TMEM114: variants seen among roughly 807,000 people sequenced by gnomAD.
The protein encoded by TMEM114 is transmembrane protein 114.
TMEM114 carries 6 observed loss-of-function variants against 6.2 expected under a neutral mutation model. The ratio of observed to expected loss-of-function variants is 0.97; its 90% confidence interval spans 0.53 to 1.91. TMEM114 has a LOEUF of 1.91. TMEM114 is among the 40% of genes most tolerant of loss of function. TMEM114 has a pLI of 0.01. For missense variants in TMEM114, 218 were observed against 158.3 expected, an observed-to-expected ratio of 1.38 and a Z score of -2.02; for synonymous variants, 104 against 73.0, an observed-to-expected ratio of 1.42 and a Z score of -2.16.
In TMEM114 at chr16:8,589,305, G is replaced by T; in HGVS notation, c.221-12C>A. On this transcript the variant is annotated splice_polypyrimidine_tract_variant and intron_variant, in intron 1 of 3. Coordinates refer to ENST00000620492, the MANE Select transcript of TMEM114 (RefSeq NM_001146336.2). ...GCACGGGCTCTGCACTGGATAGGACGGAGGAATCCATGGGTGCAGGACCCC... is the reference window on the plus strand; with the variant it reads ...GCACGGGCTCTGCACTGGATAGGACTGAGGAATCCATGGGTGCAGGACCCC... The T allele has an allele frequency of 2.5e-6, 1 of 398,706 alleles. No individual in the cohort carries two copies. Among genetic ancestry groups the T allele is most frequent in the African/African-American group, 2.1e-5 (1 of 48,760 alleles). The allele number at this position is 398,706 out of a possible 1,614,324, so 24.7% of individuals were successfully genotyped here.
At chr16:8,539,785 TA>T (rs1168293205) in intron 2 of TMEM114, among the ~76,000 whole-genome samples, 1 of 152,208 alleles carries the variant, frequency 6.6e-6, no homozygotes, top group African/African-American at 2.4e-5. Flanking sequence ...GAAGTAACTT[TA>T]AAAAATTACA....
chr16:8,590,384 T>A lies in TMEM114; in HGVS notation c.-546A>T, dbSNP rs1006137719. ...CTCTGGATTTCCGCCCCAGCCCTTT[T>A]TCTTGGCCCCACACTGCCAGATCCC... On this transcript the variant is annotated 5_prime_UTR_variant, in exon 1 of 4. Coordinates refer to ENST00000620492, the MANE Select transcript of TMEM114 (RefSeq NM_001146336.2). Among the ~76,000 whole-genome samples, 27 of 152,280 alleles carry A rather than the reference T, an allele frequency of 1.8e-4. No homozygotes were observed. The South Asian group carries it at 5.6e-3, about 32-fold the overall frequency.
chr16:8,528,229 T>G, the TMEM114 span, among the ~76,000 whole-genome samples: 4 of 143,932 alleles, frequency 2.8e-5, 1 homozygote, highest in African/African-American at 1.0e-4. Flanking sequence ...TGATATGAAT[T>G]TGTTCACCCA....
chr16:8,588,032 T>C (rs1902369037), intron 2 of TMEM114, among the ~76,000 whole-genome samples: 1 of 152,032 alleles, frequency 6.6e-6, no homozygotes, highest in Admixed American at 6.6e-5. Context: ...ACACCTGTAA[T>C]CCCAGCACTT....
intron 2 of TMEM114, among the ~76,000 whole-genome samples, chr16:8,561,654 T>G (rs796369324): frequency 7.1e-6 from 1 of 141,384 alleles, no homozygotes; most frequent in East Asian, 2.0e-4. Context: ...AGTGAGTGAA[T>G]AAGTGAATGA....
At chr16:8,528,557 A>C in the TMEM114 span, among the ~76,000 whole-genome samples, 3 of 152,176 alleles carry the variant, frequency 2.0e-5, no homozygotes, top group South Asian at 6.2e-4. Context: ...AGAGGAGCGC[A>C]ACAGGCTTTT....
intron 1 of TMEM114, 102 bp downstream of exon 1, chr16:8,589,517 C>G (rs1256408889): frequency 2.5e-6 from 1 of 398,212 alleles, no homozygotes; most frequent in Non-Finnish European, 4.4e-6. Context: ...ATTTTAGGGA[C>G]TTGGGGGAGG....
chr16:8,548,307 T>C (rs74007843), intron 2 of TMEM114, among the ~76,000 whole-genome samples: 268 of 152,300 alleles, frequency 1.8e-3, no homozygotes, highest in Middle Eastern at 6.8e-3. Flanking sequence ...TCTGGCAGTG[T>C]GCCTGACCCA....
At chr16:8,566,098 C>T (rs1041020436), downstream of TMEM114, among the ~76,000 whole-genome samples, 1 of 152,070 alleles carries the variant, frequency 6.6e-6, no homozygotes, top group Non-Finnish European at 1.5e-5. Context: ...GGGCCAGGCA[C>T]GGTGGCTCAC....
chr16:8,555,427 G>T (rs933421299), intron 2 of TMEM114, among the ~76,000 whole-genome samples: 1 of 152,050 alleles, frequency 6.6e-6, no homozygotes, highest in Non-Finnish European at 1.5e-5. Context: ...TACTAATTAA[G>T]GAGCAGCCTT....
downstream of TMEM114, among the ~76,000 whole-genome samples, chr16:8,536,474 C>T (rs1471695069): frequency 6.6e-6 from 1 of 152,078 alleles, no homozygotes; most frequent in Non-Finnish European, 1.5e-5. Flanking sequence ...GGTATCTCAA[C>T]ATTAGGGAAT....
chr16:8,589,296 G>C lies in TMEM114; in HGVS notation c.221-3C>G. The stretch of plus-strand genomic sequence containing the variant: ...CAGCGGTGTGCACGGGCTCTGCACT[G>C]GATAGGACGGAGGAATCCATGGGTG... On this transcript the variant is annotated splice_region_variant and splice_polypyrimidine_tract_variant and intron_variant, in intron 1 of 3. Coordinates refer to ENST00000620492, the MANE Select transcript of TMEM114 (RefSeq NM_001146336.2). The C allele has an allele frequency of 5.0e-6, 2 of 398,758 alleles. No homozygotes were observed. Among genetic ancestry groups the C allele is most frequent in the East Asian group, 7.1e-5 (2 of 28,066 alleles). The allele number at this position is 398,758 out of a possible 1,614,324, so 24.7% of individuals were successfully genotyped here.
At chr16:8,553,674 G>A (rs2141661316) in intron 2 of TMEM114, among the ~76,000 whole-genome samples, 1 of 152,028 alleles carries the variant, frequency 6.6e-6, no homozygotes, top group East Asian at 1.9e-4. Context: ...GTAGAGATGG[G>A]GCTTCACTGT....
downstream of TMEM114, among the ~76,000 whole-genome samples, chr16:8,536,656 A>C (rs11860218): frequency 0.13 from 19,850 of 151,326 alleles, 1,656 homozygotes; most frequent in African/African-American, 0.24. Flanking sequence ...TTCTTTTTTT[A>C]TTTTGGTTTG....
chr16:8,546,793 T>A (rs1334267514), intron 2 of TMEM114, among the ~76,000 whole-genome samples: 1 of 152,218 alleles, frequency 6.6e-6, no homozygotes, highest in Non-Finnish European at 1.5e-5. Context: ...TTCTTTTTCT[T>A]CTGCAATAAA....
chr16:8,529,366 T>C, the TMEM114 span, among the ~76,000 whole-genome samples: 2 of 152,194 alleles, frequency 1.3e-5, no homozygotes, highest in Non-Finnish European at 2.9e-5. Context: ...TCATGTGCAG[T>C]TAACCCATTA....
intron 2 of TMEM114, among the ~76,000 whole-genome samples, chr16:8,572,817 T>G (rs112587173): frequency 1.6e-4 from 25 of 152,228 alleles, no homozygotes; most frequent in African/African-American, 5.8e-4. Flanking sequence ...AGCCAGGGTG[T>G]TAGGAAGAAC....
chr16:8,586,377 G>A (rs576529513), intron 2 of TMEM114, among the ~76,000 whole-genome samples: 17 of 152,080 alleles, frequency 1.1e-4, no homozygotes, highest in Admixed American at 2.6e-4. Context: ...TCATTTTGAC[G>A]GATGTGAACA....
intron 2 of TMEM114, among the ~76,000 whole-genome samples, chr16:8,549,607 A>C (rs1900780274): frequency 6.6e-6 from 1 of 151,996 alleles, no homozygotes. Context: ...CTTTTATTCC[A>C]AGATATCATG....
Sources: gnomAD v4.1 joint callset for allele counts (sites outside exome capture counted in the v4.1 genomes callset) on GRCh38, gnomAD v4.1.1 for gene constraint, MANE v1.5 for transcripts, NCBI Gene and HGNC (gene_info 2026-07-23, HGNC 2026-07-21) for gene names.